Variants in TNKS observed in about 807,000 individuals in gnomAD.
TNKS encodes poly [ADP-ribose] polymerase tankyrase-1.
In TNKS, 72 loss-of-function variants were observed where a neutral mutation model predicts 135.8. The ratio of observed to expected loss-of-function variants is 0.53; its 90% CI spans 0.44 to 0.64. The LOEUF is 0.64. TNKS is among the 30% of genes least tolerant of loss of function. The pLI is 0.00. For missense variants in TNKS, 1,769 were observed against 1,674.0 expected, an observed-to-expected ratio of 1.06 and a Z score of -0.99; for synonymous variants, 849 against 649.3, an observed-to-expected ratio of 1.31 and a Z score of -4.68.
intron 2 of TNKS, among the ~76,000 whole-genome samples, chr8:9,600,773 C>A (rs1798987233): frequency 6.6e-6 from 1 of 152,092 alleles, no homozygotes; most frequent in African/African-American, 2.4e-5. Flanking sequence ...AATTTTGGGT[C>A]ACTTTTATAT....
At chr8:9,632,704 T>A (rs1206014755) in intron 3 of TNKS, among the ~76,000 whole-genome samples, 2 of 152,200 alleles carry the variant, frequency 1.3e-5, no homozygotes, top group African/African-American at 4.8e-5. Flanking sequence ...TCTTTTACTT[T>A]TGGTTTAATG....
At chr8:9,692,586 C>G (rs1307894272) in intron 5 of TNKS, among the ~76,000 whole-genome samples, 1 of 152,170 alleles carries the variant, frequency 6.6e-6, no homozygotes, top group Non-Finnish European at 1.5e-5. Context: ...ACCAAGAGGT[C>G]CAGGACCAGA....
At chr8:9,742,398 A>G (rs1485449514) in intron 17 of TNKS, among the ~76,000 whole-genome samples, 3 of 149,788 alleles carry the variant, frequency 2.0e-5, no homozygotes, top group African/African-American at 7.4e-5. Context: ...CACTTCCCTC[A>G]GCAATCTCGC....
intron 2 of TNKS, among the ~76,000 whole-genome samples, chr8:9,595,806 A>G (rs555492440): frequency 2.8e-4 from 42 of 152,230 alleles, no homozygotes; most frequent in African/African-American, 8.7e-4. Flanking sequence ...ACTCACTTCA[A>G]TTGTTCAAAA....
At chr8:9,645,985 C>G (rs1465298912) in intron 3 of TNKS, among the ~76,000 whole-genome samples, 1 of 152,194 alleles carries the variant, frequency 6.6e-6, no homozygotes, top group Non-Finnish European at 1.5e-5. Flanking sequence ...GCCCTACCCT[C>G]AACCCTTCTC....
rs536788872 is a variant in TNKS, at chr8:9,573,523, C to G, written c.674-6636C>G. Among the ~76,000 whole-genome samples, 51 of 152,182 alleles carry G rather than the reference C, an allele frequency of 3.4e-4. No homozygotes were observed. The East Asian group carries it at 6.2e-3, about 18-fold the overall frequency. ...GTATGAAGAAACCTTTAGGCCTAAC[C>G]TTAAATATGTAAGGAGGCAACTTCA... is the stretch of plus-strand genomic sequence containing the variant. On this transcript the variant is annotated intron_variant, in intron 1 of 26. Transcript: ENST00000310430.
chr8:9,736,462 A>G (rs1805710466), intron 17 of TNKS, among the ~76,000 whole-genome samples: 1 of 152,064 alleles, frequency 6.6e-6, no homozygotes, highest in Non-Finnish European at 1.5e-5. Context: ...AGTTTTGGAC[A>G]TGAAGTCCTT....
At chr8:9,744,176 CCTTA>C (rs1299437592) in intron 17 of TNKS, among the ~76,000 whole-genome samples, 4 of 151,992 alleles carry the variant, frequency 2.6e-5, no homozygotes, top group African/African-American at 4.8e-5. Flanking sequence ...TGGTAGTGTG[CCTTA>C]CTGTGTCGGT....
intron 11 of TNKS, among the ~76,000 whole-genome samples, chr8:9,719,369 T>A (rs1361268868): frequency 6.6e-6 from 1 of 150,792 alleles, no homozygotes; most frequent in African/African-American, 2.4e-5. Context: ...GAATTTACTG[T>A]GTACCTTTAG....
At chr8:9,587,782 A>T (rs1256344255) in intron 2 of TNKS, among the ~76,000 whole-genome samples, 1 of 152,196 alleles carries the variant, frequency 6.6e-6, no homozygotes, top group African/African-American at 2.4e-5. Flanking sequence ...TGTTGTTGTT[A>T]TTGTTTTAAA....
chr8:9,647,324 G>C (rs1461107591), intron 3 of TNKS, among the ~76,000 whole-genome samples: 1 of 152,102 alleles, frequency 6.6e-6, no homozygotes, highest in East Asian at 1.9e-4. Flanking sequence ...AGAACAGTTG[G>C]ATTTTGCCCC....
chr8:9,648,966 T>C (rs987795759), intron 3 of TNKS, among the ~76,000 whole-genome samples: 3 of 150,938 alleles, frequency 2.0e-5, no homozygotes, highest in Non-Finnish European at 4.4e-5. Flanking sequence ...AACAGTGGGA[T>C]AGGTTTAGGG....
chr8:9,597,994 G>A (rs1421203788), intron 2 of TNKS, among the ~76,000 whole-genome samples: 1 of 152,064 alleles, frequency 6.6e-6, no homozygotes, highest in Non-Finnish European at 1.5e-5. Flanking sequence ...ACTTTCCTAA[G>A]GAATGAGAAT....
intron 1 of TNKS, among the ~76,000 whole-genome samples, chr8:9,568,874 C>T (rs1466110980): frequency 3.3e-5 from 5 of 152,114 alleles, no homozygotes; most frequent in Non-Finnish European, 1.5e-5. Flanking sequence ...AATCTGAAGC[C>T]AAATCAGTGA....
At chr8:9,760,209 C>T (rs1374851854) in intron 20 of TNKS, among the ~76,000 whole-genome samples, 1 of 152,134 alleles carries the variant, frequency 6.6e-6, no homozygotes, top group Non-Finnish European at 1.5e-5. Flanking sequence ...ATGTGTATTT[C>T]AGAACTGGGG....
intron 3 of TNKS, among the ~76,000 whole-genome samples, chr8:9,624,548 C>T (rs915032102): frequency 1.2e-4 from 19 of 152,192 alleles, no homozygotes; most frequent in African/African-American, 3.9e-4. Flanking sequence ...AACATCACAG[C>T]CAGGATATTG....
intron 26 of TNKS, among the ~76,000 whole-genome samples, chr8:9,770,592 G>A (rs1296005837): frequency 1.3e-5 from 2 of 152,212 alleles, no homozygotes; most frequent in East Asian, 3.9e-4. Context: ...GGCAGCTGCT[G>A]TTAGTGGGTC....
intron 1 of TNKS, among the ~76,000 whole-genome samples, chr8:9,565,985 C>T (rs936665626): frequency 3.3e-5 from 5 of 151,938 alleles, no homozygotes; most frequent in Admixed American, 3.3e-4. Flanking sequence ...TATATGTTGA[C>T]ATATATATTA....
At chr8:9,563,467 T>C (rs1797414212) in intron 1 of TNKS, among the ~76,000 whole-genome samples, 2 of 152,160 alleles carry the variant, frequency 1.3e-5, no homozygotes, top group Admixed American at 1.3e-4. Context: ...AGACTATATG[T>C]AAATGAATGA....
Sources: gnomAD v4.1 joint callset for allele counts (sites outside exome capture counted in the v4.1 genomes callset) on GRCh38, gnomAD v4.1.1 for gene constraint, MANE v1.5 for transcripts, NCBI Gene and HGNC (gene_info 2026-07-23, HGNC 2026-07-21) for gene names.